Variants in NCAM1 observed in about 807,000 individuals in gnomAD.
The protein encoded by NCAM1 is neural cell adhesion molecule 1, also known as antigen recognized by monoclonal antibody 5.1H11.
In NCAM1, 14 loss-of-function variants were observed where a neutral mutation model predicts 109.8. The observed-to-expected ratio is 0.13, with a 90% CI of 0.08 to 0.20. The LOEUF is 0.20. Ranked by LOEUF, NCAM1 falls within the 10% of genes least tolerant of loss-of-function variation. The pLI is 1.00. For missense variants in NCAM1, 774 were observed against 1,109.9 expected, an observed-to-expected ratio of 0.70 and a Z score of 4.30; for synonymous variants, 418 against 442.9, an observed-to-expected ratio of 0.94 and a Z score of 0.70.
intron 1 of NCAM1, among the ~76,000 whole-genome samples, chr11:113,002,477 C>A (rs1446174461): frequency 1.3e-5 from 2 of 152,112 alleles, no homozygotes; most frequent in Non-Finnish European, 2.9e-5. Context: ...GCTTGTAGTA[C>A]CTTTTTACAA....
intron 1 of NCAM1, among the ~76,000 whole-genome samples, chr11:113,175,930 G>T (rs1211297564): frequency 6.6e-6 from 1 of 152,128 alleles, no homozygotes; most frequent in African/African-American, 2.4e-5. Flanking sequence ...TAAGAATGTG[G>T]GTGGCAGTTA....
At chr11:113,093,525 C>T (rs537891996) in intron 1 of NCAM1, among the ~76,000 whole-genome samples, 2 of 152,246 alleles carry the variant, frequency 1.3e-5, no homozygotes, top group South Asian at 2.1e-4. Flanking sequence ...GGTTCCACAA[C>T]CCCTTTAAGG....
chr11:113,271,936 A>AC, intron 19 of NCAM1, 60 bp downstream of exon 19: 3 of 1,034,098 alleles, frequency 2.9e-6, no homozygotes, highest in Non-Finnish European at 3.8e-6. Flanking sequence ...CCACCTCCCC[A>AC]CCCTACCCCC....
intron 1 of NCAM1, among the ~76,000 whole-genome samples, chr11:113,091,413 T>C (rs1555089347): frequency 6.6e-6 from 1 of 152,144 alleles, no homozygotes; most frequent in Non-Finnish European, 1.5e-5. Context: ...CCACTCAGGG[T>C]TCTAGTGCCA....
chr11:113,093,838 C>T (rs1268280865), intron 1 of NCAM1, among the ~76,000 whole-genome samples: 1 of 152,170 alleles, frequency 6.6e-6, no homozygotes, highest in Non-Finnish European at 1.5e-5. Flanking sequence ...TCAGGAATGG[C>T]CTCCCATCCC....
At chr11:113,157,765 A>T (rs180917851) in intron 1 of NCAM1, among the ~76,000 whole-genome samples, 44 of 152,296 alleles carry the variant, frequency 2.9e-4, no homozygotes, top group Non-Finnish European at 4.7e-4. Context: ...CAAAACAAAA[A>T]GTATCAAGAG....
intron 1 of NCAM1, among the ~76,000 whole-genome samples, chr11:113,046,050 C>T (rs1427502149): frequency 6.6e-6 from 1 of 152,128 alleles, no homozygotes; most frequent in East Asian, 1.9e-4. Context: ...GGGAAAATAA[C>T]ATGGGAGAGA....
chr11:113,202,566 G>A (rs933029630), intron 2 of NCAM1, 113 bp downstream of exon 2: 1 of 909,106 alleles, frequency 1.1e-6, no homozygotes, highest in Non-Finnish European at 1.6e-6. Context: ...TAGAATTCTT[G>A]GCATTGCTCT....
intron 14 of NCAM1, among the ~76,000 whole-genome samples, chr11:113,239,987 A>G (rs1945278555): frequency 6.6e-6 from 1 of 152,224 alleles, no homozygotes; most frequent in Non-Finnish European, 1.5e-5. Flanking sequence ...ATATTTGCCA[A>G]TGAAAAACCA....
At chr11:113,003,145 A>G (rs1015473600) in intron 1 of NCAM1, among the ~76,000 whole-genome samples, 8 of 152,248 alleles carry the variant, frequency 5.3e-5, no homozygotes, top group Non-Finnish European at 1.0e-4. Flanking sequence ...CCATGAGGGC[A>G]TCACACTCCC....
At chr11:112,987,152 A>G (rs1555069777) in intron 1 of NCAM1, among the ~76,000 whole-genome samples, 2 of 151,830 alleles carry the variant, frequency 1.3e-5, no homozygotes, top group South Asian at 2.1e-4. Flanking sequence ...CCTTTGACCC[A>G]CTGGTTGTTC....
chr11:113,085,445 T>C (rs1245110), intron 1 of NCAM1, among the ~76,000 whole-genome samples: 126,688 of 152,240 alleles, frequency 0.83, 53,072 homozygotes, highest in African/African-American at 0.93. Flanking sequence ...CTAATACAGT[T>C]GTCTTGAAAA....
rs1950628332 is a variant in NCAM1 at position 112,963,463 on chromosome 11, C to G, written c.52+1799C>G. 1 of 152,206 alleles carries G rather than the reference C, an allele frequency of 6.6e-6. No homozygotes were observed. The highest frequency in any genetic ancestry group is 2.4e-5 in the African/African-American group (1 of 41,440). 9.4% of individuals were successfully genotyped at this position (152,206 alleles called of 1,614,324 possible). ...AGGCACACCTACGCGCGTGCGCTGACCGGCCGACCGCGGGCCGGGGGCTCT... is the reference window on the plus strand; with the variant it reads ...AGGCACACCTACGCGCGTGCGCTGAGCGGCCGACCGCGGGCCGGGGGCTCT... On this transcript the variant is annotated intron_variant, in intron 1 of 19. Coordinates refer to ENST00000316851, the MANE Select transcript of NCAM1 (RefSeq NM_181351.5). The surrounding 1 kb of genome is among the most constrained non-coding windows in gnomAD (Gnocchi z 4.6).
At chr11:113,240,720 T>G in intron 14 of NCAM1, 3 of 1,506,912 alleles carry the variant, frequency 2.0e-6, no homozygotes, top group Non-Finnish European at 2.8e-6. Context: ...GCTTCCATTT[T>G]TTTTTCATTC....
intron 16 of NCAM1, 107 bp from the exon 17 acceptor site, chr11:113,260,039 A>C: frequency 9.8e-7 from 1 of 1,015,472 alleles, no homozygotes; most frequent in Non-Finnish European, 1.4e-6. Flanking sequence ...ATTTCATGCC[A>C]AAAGTTATTG....
At chr11:113,224,959 T>A (rs974088595) in intron 9 of NCAM1, among the ~76,000 whole-genome samples, 2 of 151,918 alleles carry the variant, frequency 1.3e-5, no homozygotes, top group Admixed American at 1.3e-4. Flanking sequence ...AGACCAAAGG[T>A]AGATAAAACC....
At chr11:113,203,008 T>C (rs931510624) in intron 2 of NCAM1, among the ~76,000 whole-genome samples, 2 of 152,218 alleles carry the variant, frequency 1.3e-5, no homozygotes, top group Admixed American at 6.5e-5. Context: ...CTCTGAGATA[T>C]GCCAGACCTG....
intron 1 of NCAM1, among the ~76,000 whole-genome samples, chr11:112,991,635 A>G (rs1207772822): frequency 6.6e-6 from 1 of 152,220 alleles, no homozygotes; most frequent in Non-Finnish European, 1.5e-5. Context: ...TCGCACAAAT[A>G]GCTACTCATT....
intron 1 of NCAM1, among the ~76,000 whole-genome samples, chr11:113,085,576 C>T (rs551964718): frequency 4.5e-4 from 68 of 152,288 alleles, no homozygotes; most frequent in African/African-American, 1.6e-3. Flanking sequence ...CTGGGTTAAG[C>T]CTCTCCTAAA....
Sources: gnomAD v4.1 joint callset for allele counts (sites outside exome capture counted in the v4.1 genomes callset) on GRCh38, gnomAD v4.1.1 for gene constraint, Gnocchi (gnomAD v3.1) non-coding constraint, MANE v1.5 for transcripts, NCBI Gene and HGNC (gene_info 2026-07-23, HGNC 2026-07-21) for gene names.